Variants in STRADB observed in about 807,000 individuals in gnomAD.
The protein encoded by STRADB is STE20-related kinase adapter protein beta.
STRADB carries 34 observed loss-of-function variants against 52.1 expected under a neutral mutation model. The ratio of observed to expected loss-of-function variants is 0.65; its 90% confidence interval spans 0.50 to 0.87. STRADB has a LOEUF of 0.87. Ranked by LOEUF, STRADB falls within the 40% of genes least tolerant of loss-of-function variation. The pLI is 0.00. For missense variants in STRADB, 340 were observed against 483.9 expected, an observed-to-expected ratio of 0.70 and a Z score of 2.79; for synonymous variants, 133 against 174.5, an observed-to-expected ratio of 0.76 and a Z score of 1.87.
At chr2:201,463,663 C>G (rs1482160181) in intron 3 of STRADB, among the ~76,000 whole-genome samples, 1 of 152,142 alleles carries the variant, frequency 6.6e-6, no homozygotes, top group Non-Finnish European at 1.5e-5. Context: ...GTTATTATCC[C>G]TTTGAATAAA....
At chr2:201,460,259 C>T (rs1490593094) in intron 3 of STRADB, among the ~76,000 whole-genome samples, 1 of 151,950 alleles carries the variant, frequency 6.6e-6, no homozygotes, top group African/African-American at 2.4e-5. Flanking sequence ...ATTTGGAGTA[C>T]ATAGAAGATG....
chr2:201,469,968 C>G lies in STRADB; in HGVS notation c.109C>G (p.Leu37Val). 6.2e-7 allele frequency: 1 copy of G among 1,613,630 alleles called. No homozygotes were observed. The highest frequency in any genetic ancestry group is 8.5e-7 in the Non-Finnish European group (1 of 1,179,926). Residue 37 changes from leucine (L) to valine (V), a missense_variant, in exon 4 of 12, where the codon CTT becomes GTT. By Grantham distance (32) the Leu-to-Val change is conservative. Coordinates refer to ENST00000194530, the MANE Select transcript of STRADB (RefSeq NM_018571.6). ...ACAAATGCAGGTTGATGAGCCAACC[C>G]TTTCCTGGTCACGTCCATCCACTAG... The part of the protein sequence containing the change: ...IHQYLVDEPT[L>V]SWSRPSTRAS...
At chr2:201,478,238 C>G (rs749731340) in intron 9 of STRADB, 47 bp downstream of exon 9, 1 of 1,592,944 alleles carries the variant, frequency 6.3e-7, no homozygotes, top group Admixed American at 1.7e-5. Flanking sequence ...CATAAGACTG[C>G]TTACATTCTA....
chr2:201,478,957 C>T (rs1380164665), intron 10 of STRADB, among the ~76,000 whole-genome samples: 1 of 151,860 alleles, frequency 6.6e-6, no homozygotes, highest in Non-Finnish European at 1.5e-5. Context: ...CCTGTAGTCC[C>T]AGCTACTCGG....
At chr2:201,456,055 G>T (rs747027798) in intron 2 of STRADB, among the ~76,000 whole-genome samples, 1 of 152,222 alleles carries the variant, frequency 6.6e-6, no homozygotes, top group Non-Finnish European at 1.5e-5. Context: ...ATTCTGTAAA[G>T]GAGGGATCAG....
intron 3 of STRADB, among the ~76,000 whole-genome samples, chr2:201,459,751 C>A (rs1952184715): frequency 6.6e-6 from 1 of 152,152 alleles, no homozygotes; most frequent in Admixed American, 6.5e-5. Context: ...TTTGAAACTT[C>A]CATTGGCTTC....
At chr2:201,476,186 C>T (rs546599092) in intron 7 of STRADB, among the ~76,000 whole-genome samples, 1 of 152,246 alleles carries the variant, frequency 6.6e-6, no homozygotes, top group African/African-American at 2.4e-5. Flanking sequence ...AGATTATCAT[C>T]CTAAATATCA....
rs1445939543 is a variant in STRADB at position 201,480,809 on chromosome 2, G to A, written c.*634G>A. The A allele has an allele frequency of 6.1e-6, 6 of 985,418 alleles. No individual in the cohort carries two copies. The highest frequency in any genetic ancestry group is 4.7e-5 in the South Asian group (1 of 21,274). The allele number at this position is 985,418 out of a possible 1,614,324, so 61.0% of individuals were successfully genotyped here. A position where few individuals can be genotyped will look rare whatever the true frequency, so the allele number is the denominator to read the frequency against. The stretch of plus-strand genomic sequence containing the variant: ...TGTAAATTATAGATCCTAAATTCAC[G>A]CACCCCGTGGGAGCTCAATAAAGAT... On this transcript the variant is annotated 3_prime_UTR_variant, in exon 12 of 12. Transcript: ENST00000194530.
At chr2:201,468,026 T>C (rs1218331808) in intron 3 of STRADB, among the ~76,000 whole-genome samples, 2 of 151,344 alleles carry the variant, frequency 1.3e-5, no homozygotes, top group African/African-American at 2.4e-5. Context: ...AAAATTTTAC[T>C]GATCTGGGCC....
chr2:201,460,142 G>T (rs1952191226), intron 3 of STRADB, among the ~76,000 whole-genome samples: 1 of 151,992 alleles, frequency 6.6e-6, no homozygotes, highest in Non-Finnish European at 1.5e-5. Flanking sequence ...ATCTTCAGCT[G>T]TCTTTATTTC....
At chr2:201,469,899 C>A in intron 3 of STRADB, 54 bp from the exon 4 acceptor site, 1 of 1,321,366 alleles carries the variant, frequency 7.6e-7, no homozygotes, top group Non-Finnish European at 1.1e-6. Flanking sequence ...TATATTAGGG[C>A]AGGGGGACCA....
chr2:201,477,862 G>GTCTT, intron 8 of STRADB, 72 bp downstream of exon 8: 1 of 1,553,658 alleles, frequency 6.4e-7, no homozygotes, highest in Non-Finnish European at 8.8e-7. Context: ...GTACAGTTGT[G>GTCTT]TCTTTATATT....
chr2:201,465,826 A>C (rs1952293873), intron 3 of STRADB, among the ~76,000 whole-genome samples: 1 of 152,104 alleles, frequency 6.6e-6, no homozygotes. Flanking sequence ...GCTGATCTAA[A>C]TGCTCCCTCC....
At chr2:201,459,771 A>G (rs1237551210) in intron 3 of STRADB, among the ~76,000 whole-genome samples, 1 of 152,198 alleles carries the variant, frequency 6.6e-6, no homozygotes, top group African/African-American at 2.4e-5. Context: ...CCTAAAGCCT[A>G]TGGGATAAAG....
At position 201,480,197 on chromosome 2, in the gene STRADB, C is replaced by T; in HGVS notation, c.*22C>T. ...CTAGGGCTGCCAAATCATTTTATGT[C>T]CTATATACTTGACACTTTCTCCTTG... On this transcript the variant is annotated 3_prime_UTR_variant, in exon 12 of 12. Coordinates refer to ENST00000194530, the MANE Select transcript of STRADB (RefSeq NM_018571.6). 6.2e-7 allele frequency: 1 copy of T among 1,610,860 alleles called. No homozygotes were observed. The highest frequency in any genetic ancestry group is 8.5e-7 in the Non-Finnish European group (1 of 1,178,402).
chr2:201,456,222 C>T (rs1225611774), intron 2 of STRADB, among the ~76,000 whole-genome samples: 1 of 152,150 alleles, frequency 6.6e-6, no homozygotes, highest in African/African-American at 2.4e-5. Context: ...CTCACAAAAA[C>T]AGGTGGTGGG....
chr2:201,467,314 A>T (rs1952319483), intron 3 of STRADB, among the ~76,000 whole-genome samples: 1 of 152,232 alleles, frequency 6.6e-6, no homozygotes, highest in South Asian at 2.1e-4. Context: ...ATTTGTGGGC[A>T]TCAAAACTTT....
intron 3 of STRADB, among the ~76,000 whole-genome samples, chr2:201,468,085 C>CTTTTTTTTTTTTTTTTT (rs536551120): frequency 3.0e-4 from 21 of 71,016 alleles, no homozygotes; most frequent in South Asian, 4.4e-4. Flanking sequence ...TTTTTTTTTT[C>CTTTTTTTTTTTTTTTTT]TTTTTTTTTT....
intron 6 of STRADB, among the ~76,000 whole-genome samples, chr2:201,475,052 T>A (rs1220864054): frequency 6.6e-6 from 1 of 152,220 alleles, no homozygotes; most frequent in African/African-American, 2.4e-5. Context: ...CTACTGTTAT[T>A]CTGCAGGAAG....
Sources: allele counts gnomAD v4.1 joint callset (sites outside exome capture counted in the v4.1 genomes callset), GRCh38; gene constraint gnomAD v4.1.1; transcripts MANE v1.5; gene names NCBI Gene and HGNC (gene_info 2026-07-23, HGNC 2026-07-21).